DMBT1: variants seen among roughly 807,000 people sequenced by gnomAD.
DMBT1 encodes the protein deleted in malignant brain tumors 1, also known as scavenger receptor cysteine-rich domain-containing protein DMBT1.
Under a neutral mutation model 252.9 loss-of-function variants are expected in DMBT1, and 198 were observed. That is an observed-to-expected ratio of 0.78 (90% confidence interval 0.70 to 0.88). The LOEUF (loss-of-function observed/expected upper bound fraction) is 0.88. Among genes scored for constraint, DMBT1 ranks in the 40% least tolerant of loss-of-function variants. The pLI, the probability that DMBT1 is intolerant of heterozygous loss-of-function variation, is 0.00. For synonymous variants in DMBT1, 990 were observed against 942.7 expected (o/e 1.05, Z -0.92); for missense variants, 2,432 against 2,404.7 (o/e 1.01, Z -0.24).
chr10:122,566,276 G>A (rs989570082), intron 2 of DMBT1, among the ~76,000 whole-genome samples: 4 of 152,054 alleles, frequency 2.6e-5, no homozygotes, highest in African/African-American at 9.6e-5. Context: ...AGGAGAGATA[G>A]TTGAAAATAA....
At position 122,587,253 on chromosome 10, in the gene DMBT1, C is replaced by T. The variant is rs1225193026; in HGVS notation, c.1783+870C>T. On this transcript the variant is annotated intron_variant, in intron 16 of 55. Coordinates refer to ENST00000338354, the MANE Select transcript of DMBT1 (RefSeq NM_001377530.1). ...AGGGACGGTCTGACTGGGAGGATTC[C>T]AGAACCAAGGGCTCATGCTGGGAAG... 1.3e-5 allele frequency among the ~76,000 whole-genome samples: 2 copies of T among 148,484 alleles called. 1 individual carries two copies.
At chr10:122,571,294 A>T (rs2097661224) in intron 4 of DMBT1, among the ~76,000 whole-genome samples, 1 of 152,174 alleles carries the variant, frequency 6.6e-6, no homozygotes, top group African/African-American at 2.4e-5. Context: ...CTTCAGTCTC[A>T]GCCCCTCAGA....
rs115078073 is a variant in DMBT1, at chr10:122,570,218, T to G, written c.139+9T>G. On this transcript the variant is annotated intron_variant, in intron 3 of 55. Transcript: ENST00000338354. Reference sequence around the variant, plus strand: ...TCCAACTGTAGCAGAAGGTAAGGTCTATTATGGGGGAACCCTGTGGGCTCA... The same window carrying G: ...TCCAACTGTAGCAGAAGGTAAGGTCGATTATGGGGGAACCCTGTGGGCTCA... 3,455 of 1,576,182 alleles carry G rather than the reference T, an allele frequency of 2.2e-3. 79 individuals carry two copies. In the African/African-American group the frequency reaches 0.042, roughly 19 times the overall value.
intron 55 of DMBT1, among the ~76,000 whole-genome samples, chr10:122,640,931 C>T (rs1031727858): frequency 3.9e-5 from 6 of 152,190 alleles, no homozygotes; most frequent in East Asian, 1.9e-4. Flanking sequence ...ACCAGTTGCT[C>T]GCCTGTCAAG....
chr10:122,617,041 T>A (rs2097991776), intron 39 of DMBT1, among the ~76,000 whole-genome samples, 187 bp from the exon 40 acceptor site: 1 of 144,680 alleles, frequency 6.9e-6, no homozygotes, highest in Non-Finnish European at 1.5e-5. Context: ...CAGTCTGGTC[T>A]CCAGCAGGAC....
rs759583216 is a variant in DMBT1 at position 122,600,090 on chromosome 10, C to A, written c.3307C>A (p.Pro1103Thr). The change falls in exon 27 of 56, where the codon CCA becomes ACA. Residue 1103 changes from proline to threonine, a missense_variant. Around this residue, in one of 3 missense-constraint regions of DMBT1, gnomAD observed 1,264 missense variants for 1,082.2 expected, o/e 1.17. Coordinates refer to ENST00000338354, the MANE Select transcript of DMBT1 (RefSeq NM_001377530.1). ...TTCCCAGTCCCGGCCAACACCTAGT[C>A]CAGGTGGGTCCCCAGTGTCCTTCCT... Reference protein sequence around the residue: ...SASQSRPTPSPDTWPTSHAST... With the variant: ...SASQSRPTPSTDTWPTSHAST... 6.2e-7 allele frequency: 1 copy of A among 1,606,610 alleles called. No individual in the cohort carries two copies. The highest frequency in any genetic ancestry group is 2.3e-5 in the East Asian group (1 of 44,304).
chr10:122,573,906 C>A (rs2097688745), intron 6 of DMBT1, 144 bp downstream of exon 6: 1 of 995,730 alleles, frequency 1.0e-6, no homozygotes, highest in Non-Finnish European at 1.6e-6. Flanking sequence ...GGCCTCAGGT[C>A]TGAACAGGTA....
At chr10:122,599,619 C>T (rs2097920408) in intron 26 of DMBT1, among the ~76,000 whole-genome samples, 1 of 152,184 alleles carries the variant, frequency 6.6e-6, no homozygotes, top group Non-Finnish European at 1.5e-5. Flanking sequence ...GACCTCAGGT[C>T]CTCTCAGATC....
chr10:122,633,321 T>C lies in DMBT1; in HGVS notation c.6528T>C (p.Thr2176=), dbSNP rs374699178. Residue 2176 remains threonine (T), a synonymous_variant, in exon 52 of 56, where the codon ACT becomes ACC. Coordinates refer to ENST00000338354, the MANE Select transcript of DMBT1 (RefSeq NM_001377530.1). ...DIEVQNNYRV[T]VIFRDVQLEG... Reference sequence around the variant, plus strand: ...AGGTGCAAAACAACTACCGTGTGACTGTGATCTTCAGAGATGTCCAGTAAG... The same window carrying C: ...AGGTGCAAAACAACTACCGTGTGACCGTGATCTTCAGAGATGTCCAGTAAG... 2.3e-5 allele frequency: 37 copies of C among 1,613,866 alleles called. No individual in the cohort carries two copies. In the African/African-American group the frequency reaches 3.7e-4, roughly 16 times the overall value.
At chr10:122,580,744 C>T (rs1294052954) in intron 10 of DMBT1, 122 bp from the exon 11 acceptor site, 14 of 1,380,900 alleles carry the variant, frequency 1.0e-5, no homozygotes, top group Non-Finnish European at 1.4e-5. Flanking sequence ...ATGTCCCTCC[C>T]TGTGTGATAG....
intron 1 of DMBT1, among the ~76,000 whole-genome samples, chr10:122,561,827 C>A (rs897156471): frequency 6.7e-6 from 1 of 150,070 alleles, no homozygotes; most frequent in African/African-American, 2.5e-5. Flanking sequence ...ACCTTTCCTC[C>A]CTCCCTCCTC....
Position 122,632,882 on chromosome 10 carries a change from G to A in DMBT1, c.6389G>A (p.Arg2130His), listed in dbSNP as rs78385368. 6.9e-5 allele frequency: 111 copies of A among 1,613,816 alleles called. 1 individual carries two copies. The highest frequency in any genetic ancestry group is 6.7e-4 in the East Asian group (30 of 44,870). Residue 2130 changes from arginine to histidine, a missense_variant, in exon 51 of 56, where the codon CGT (arginine) becomes CAT (histidine). Arg to His is a conservative substitution (Grantham distance 29, BLOSUM62 0). Coordinates refer to ENST00000338354, the MANE Select transcript of DMBT1 (RefSeq NM_001377530.1). The part of the protein sequence containing the change: ...STPAPFLNIT[R>H]PNTDYSCGGF... ...ACAGCTCCTTTTCTCAACATCACCC[G>A]TCCAAACAGTAAGTTCTGAGCTCCC... is the stretch of plus-strand genomic sequence containing the variant.
At chr10:122,620,316 T>G (rs1352917127) in intron 43 of DMBT1, 25 bp downstream of exon 43, 1 of 1,612,890 alleles carries the variant, frequency 6.2e-7, no homozygotes, top group Non-Finnish European at 8.5e-7. Flanking sequence ...CGCCCCTCCC[T>G]AGGGCTCACT....
Position 122,630,263 on chromosome 10 carries a change from A to G in DMBT1, c.5823-25A>G, listed in dbSNP as rs542256015. ...AGGGGCAATAGGAATTTCAATGTTG[A>G]CTTGAATACATTTTCTCCATACAGA... is the stretch of plus-strand genomic sequence containing the variant. On this transcript the variant is annotated intron_variant, in intron 47 of 55. Transcript: ENST00000338354. The G allele has an allele frequency of 4.0e-5, 64 of 1,602,618 alleles. 1 individual carries two copies. In the Middle Eastern group the frequency reaches 5.0e-4, roughly 12 times the overall value.
intron 6 of DMBT1, among the ~76,000 whole-genome samples, chr10:122,573,986 G>A (rs2097689605): frequency 6.6e-6 from 1 of 152,192 alleles, no homozygotes; most frequent in Non-Finnish European, 1.5e-5. Flanking sequence ...GGAGTTCTCA[G>A]TGGAGCCTTT....
intron 54 of DMBT1, among the ~76,000 whole-genome samples, chr10:122,637,520 T>A (rs2098236803): frequency 6.6e-6 from 1 of 151,984 alleles, no homozygotes; most frequent in Non-Finnish European, 1.5e-5. Flanking sequence ...GCAGAAAGAG[T>A]ATCTCCAGCT....
At chr10:122,592,765 G>A (rs1227702764) in intron 20 of DMBT1, among the ~76,000 whole-genome samples, 170 bp downstream of exon 20, 1 of 148,796 alleles carries the variant, frequency 6.7e-6, no homozygotes, top group African/African-American at 2.4e-5. Flanking sequence ...ACAGGGCTTG[G>A]TGTTCCTGTG....
At position 122,600,109 on chromosome 10, in the gene DMBT1, C is replaced by T. The variant is rs749656964; in HGVS notation, c.3310+16C>T. 6 of 1,604,986 alleles carry T rather than the reference C, an allele frequency of 3.7e-6. No individual in the cohort carries two copies. The African/African-American group carries it at 6.9e-5, about 18-fold the overall frequency. ...CCTAGTCCAGGTGGGTCCCCAGTGT[C>T]CTTCCTCAAAATGTCCCTTCTCTTT... is the stretch of plus-strand genomic sequence containing the variant. On this transcript the variant is annotated intron_variant, in intron 27 of 55. Transcript: ENST00000338354.
At chr10:122,593,771 A>G (rs976206796) in intron 21 of DMBT1, among the ~76,000 whole-genome samples, 173 bp downstream of exon 21, 45 of 147,734 alleles carry the variant, frequency 3.0e-4, no homozygotes, top group African/African-American at 1.1e-3. Flanking sequence ...TTAAACACAC[A>G]CAGGATTGAG....
Sources: allele counts gnomAD v4.1 joint callset (sites outside exome capture counted in the v4.1 genomes callset), GRCh38; gene constraint gnomAD v4.1.1; regional missense constraint gnomAD v4.1.1; transcripts MANE v1.5; gene names NCBI Gene and HGNC (gene_info 2026-07-23, HGNC 2026-07-21).